The following CTSO variants were observed in gnomAD, a reference collection of about 807,000 sequenced individuals.
CTSO encodes cathepsin O.
A neutral mutation model predicts 42.4 loss-of-function variants in CTSO; 40 were observed. The ratio of observed to expected loss-of-function variants is 0.94; its 90% CI spans 0.73 to 1.23. The LOEUF is 1.23. Ranked by LOEUF, CTSO falls within the 50% of genes most tolerant of loss-of-function variation. The pLI, the probability that CTSO is intolerant of heterozygous loss-of-function variation, is 0.00. For synonymous variants in CTSO, 156 were observed against 146.2 expected (o/e 1.07, Z -0.48); for missense variants, 441 against 396.0 (o/e 1.11, Z -0.96).
intron 5 of CTSO, among the ~76,000 whole-genome samples, chr4:155,936,935 A>G (rs1743341226): frequency 6.6e-6 from 1 of 152,202 alleles, no homozygotes; most frequent in African/African-American, 2.4e-5. Flanking sequence ...AGCCTACGTG[A>G]TATTAGCTGC....
At chr4:155,929,777 T>C (rs138544185) in intron 5 of CTSO, 72 bp from the exon 6 acceptor site, 1 of 1,409,414 alleles carries the variant, frequency 7.1e-7, no homozygotes, top group East Asian at 2.4e-5. Flanking sequence ...CTATATAATC[T>C]GTGTATGATT....
intron 7 of CTSO, 24 bp downstream of exon 7, chr4:155,928,312 T>A: frequency 6.5e-7 from 1 of 1,548,952 alleles, no homozygotes; most frequent in Non-Finnish European, 8.9e-7. Flanking sequence ...ATATTGAGGT[T>A]TTAAACACAA....
Position 155,931,850 on chromosome 4 carries a change from CATT to C in CTSO, c.675-2148_675-2146del, listed in dbSNP as rs533808817. On this transcript the variant is annotated intron_variant, in intron 5 of 7. Transcript: ENST00000433477. ...TGATTAATGAATTATAATTATTATT[CATT>C]ATTATTATAATGAATGGAATAATAA... Among the ~76,000 whole-genome samples the C allele has an allele frequency of 7.1e-4, 107 of 149,994 alleles. 1 individual carries two copies. The highest frequency in any genetic ancestry group is 2.5e-3 in the African/African-American group (101 of 40,950).
intron 7 of CTSO, among the ~76,000 whole-genome samples, chr4:155,926,498 T>C (rs541008913): frequency 3.3e-5 from 5 of 152,340 alleles, no homozygotes; most frequent in Admixed American, 3.3e-4. Flanking sequence ...TGCTATGCTT[T>C]CTTTACACAC....
At chr4:155,945,515 G>C (rs78404181) in intron 1 of CTSO, among the ~76,000 whole-genome samples, 2,196 of 152,280 alleles carry the variant, frequency 0.014, 25 homozygotes, top group South Asian at 0.025. Context: ...CATTAAATTT[G>C]TAAGTGAAAA....
chr4:155,930,159 C>G (rs115056975), intron 5 of CTSO, among the ~76,000 whole-genome samples: 9 of 152,246 alleles, frequency 5.9e-5, no homozygotes, highest in African/African-American at 2.2e-4. Context: ...AGTTCTGTAG[C>G]TGGCTGGAAA....
At chr4:155,943,576 A>G (rs1275761754) in intron 1 of CTSO, among the ~76,000 whole-genome samples, 1 of 152,212 alleles carries the variant, frequency 6.6e-6, no homozygotes, top group East Asian at 1.9e-4. Flanking sequence ...AAAAAGAAAT[A>G]GACTGCAAAT....
At chr4:155,937,341 A>G in intron 5 of CTSO, 21 bp downstream of exon 5, 1 of 1,572,966 alleles carries the variant, frequency 6.4e-7, no homozygotes, top group Non-Finnish European at 8.7e-7. Flanking sequence ...AAAGAAAAAC[A>G]TAATACAATA....
chr4:155,944,143 C>A (rs948223355), intron 1 of CTSO, among the ~76,000 whole-genome samples: 4 of 152,190 alleles, frequency 2.6e-5, no homozygotes, highest in African/African-American at 9.7e-5. Context: ...TCACTTAGCA[C>A]ATGGCTGACA....
intron 7 of CTSO, among the ~76,000 whole-genome samples, chr4:155,927,254 T>G (rs1259378742): frequency 6.6e-6 from 1 of 152,234 alleles, no homozygotes; most frequent in Non-Finnish European, 1.5e-5. Flanking sequence ...TCTCATAATC[T>G]GAAAGATTCT....
At chr4:155,928,998 G>A (rs1384804568) in intron 6 of CTSO, among the ~76,000 whole-genome samples, 1 of 152,134 alleles carries the variant, frequency 6.6e-6, no homozygotes, top group Admixed American at 6.5e-5. Context: ...AAGGTTGTGG[G>A]TTTACCGGAA....
At position 155,939,261 on chromosome 4, in the gene CTSO, G is replaced by A. The variant is rs1046688106; in HGVS notation, c.552+110C>T. Reference sequence around the variant, plus strand: ...TCATGCTTTGATCATCTACATTTCCGAACGTGGAAACATTATTTAATATAT... The same window carrying A: ...TCATGCTTTGATCATCTACATTTCCAAACGTGGAAACATTATTTAATATAT... On this transcript the variant is annotated intron_variant, in intron 4 of 7. Transcript: ENST00000433477. 46 of 921,188 alleles carry A rather than the reference G, an allele frequency of 5.0e-5. No individual in the cohort carries two copies. The African/African-American group carries it at 5.5e-4, about 11-fold the overall frequency. 57.1% of individuals were successfully genotyped at this position (921,188 alleles called of 1,614,324 possible).
chr4:155,940,235 G>T (rs1743404627), intron 3 of CTSO, among the ~76,000 whole-genome samples: 1 of 150,834 alleles, frequency 6.6e-6, no homozygotes, highest in East Asian at 1.9e-4. Context: ...AAGAATAAAA[G>T]AACTAGTCCT....
At chr4:155,932,266 C>T (rs1743249866) in intron 5 of CTSO, among the ~76,000 whole-genome samples, 1 of 152,018 alleles carries the variant, frequency 6.6e-6, no homozygotes, top group Non-Finnish European at 1.5e-5. Context: ...TGGCTGAAAA[C>T]CTAAGACCAC....
Position 155,948,727 on chromosome 4 carries a change from C to T in CTSO, c.135+4986G>A, listed in dbSNP as rs6830466. Among the ~76,000 whole-genome samples, 1,143 of 152,310 alleles carry T rather than the reference C, an allele frequency of 7.5e-3. 17 individuals carry two copies. Among genetic ancestry groups the T allele is most frequent in the African/African-American group, 0.025 (1,051 of 41,564 alleles). ...TTCTTACAGGATCAGAAAGCCCTTC[C>T]AGCTATCTCAGGCATCTTGGCCCTC... is the stretch of plus-strand genomic sequence containing the variant. On this transcript the variant is annotated intron_variant, in intron 1 of 7. Transcript: ENST00000433477.
At chr4:155,942,201 C>T in intron 3 of CTSO, 116 bp downstream of exon 3, 1 of 817,406 alleles carries the variant, frequency 1.2e-6, no homozygotes, top group Non-Finnish European at 1.7e-6. Context: ...TTTTGGATGA[C>T]TGAGATGTGA....
intron 7 of CTSO, among the ~76,000 whole-genome samples, chr4:155,926,800 A>G (rs1743135740): frequency 6.6e-6 from 1 of 152,172 alleles, no homozygotes; most frequent in Non-Finnish European, 1.5e-5. Context: ...TAGCTGAGGG[A>G]TGGAGAAAGG....
chr4:155,948,106 G>A (rs17033830), intron 1 of CTSO, among the ~76,000 whole-genome samples: 4,380 of 152,004 alleles, frequency 0.029, 99 homozygotes, highest in Non-Finnish European at 0.044. Context: ...AATTGAATGA[G>A]TTACAAAGGG....
chr4:155,952,053 T>G (rs937652117), intron 1 of CTSO, among the ~76,000 whole-genome samples: 3 of 152,216 alleles, frequency 2.0e-5, no homozygotes, highest in Non-Finnish European at 4.4e-5. Flanking sequence ...CCAGCAACTG[T>G]GCGTTGAAGC....
Sources: allele counts gnomAD v4.1 joint callset (sites outside exome capture counted in the v4.1 genomes callset), GRCh38; gene constraint gnomAD v4.1.1; transcripts MANE v1.5; gene names NCBI Gene and HGNC (gene_info 2026-07-23, HGNC 2026-07-21).